CYYR1: variants seen among roughly 807,000 people sequenced by gnomAD.
CYYR1 encodes the protein cysteine and tyrosine-rich protein 1.
In CYYR1, 14 loss-of-function variants were observed where a neutral mutation model predicts 15.2. The observed-to-expected ratio is 0.92, with a 90% CI of 0.61 to 1.44. CYYR1 has a LOEUF of 1.44. Ranked by LOEUF, CYYR1 falls within the 40% of genes most tolerant of loss-of-function variation. The pLI is 0.00. For synonymous variants in CYYR1, 80 were observed against 77.4 expected (o/e 1.03, Z -0.18); for missense variants, 228 against 209.5 (o/e 1.09, Z -0.54).
At chr21:26,483,346 C>A in intron 2 of CYYR1, 1 of 541,388 alleles carries the variant, frequency 1.8e-6, no homozygotes, top group Non-Finnish European at 2.3e-6. Context: ...ATTGATTGTT[C>A]ATTTTGATCT....
intron 2 of CYYR1, among the ~76,000 whole-genome samples, chr21:26,537,317 T>C: frequency 6.6e-6 from 1 of 152,180 alleles, no homozygotes; most frequent in East Asian, 1.9e-4. Context: ...ATCCTGTTCT[T>C]TCGTGTAACA....
chr21:26,484,539 A>AAG (rs936218893), intron 2 of CYYR1, among the ~76,000 whole-genome samples: 3 of 152,100 alleles, frequency 2.0e-5, no homozygotes, highest in African/African-American at 7.2e-5. Flanking sequence ...AAATCTTTTC[A>AAG]AGAAAAAAAG....
chr21:26,489,553 C>A (rs1231865134), intron 2 of CYYR1, among the ~76,000 whole-genome samples: 2 of 151,600 alleles, frequency 1.3e-5, no homozygotes, highest in Non-Finnish European at 2.9e-5. Context: ...TATATACATG[C>A]ACATACATAT....
chr21:26,474,199 C>T lies in CYYR1; in HGVS notation c.335-5565G>A, dbSNP rs183392190. Among the ~76,000 whole-genome samples, 929 of 151,616 alleles carry T rather than the reference C, an allele frequency of 6.1e-3. 8 individuals are homozygous for T. The highest frequency in any genetic ancestry group is 7.0e-3 in the Non-Finnish European group (478 of 67,848). On this transcript the variant is annotated intron_variant, in intron 3 of 3. Coordinates refer to ENST00000652641, the MANE Select transcript of CYYR1 (RefSeq NM_001320768.2). ...GTAGCTGGGACTACAGGCCCACAGG[C>T]GCCTGCCACCATACCTGGCTAATTT...
chr21:26,497,406 A>G (rs1260011689), intron 2 of CYYR1, among the ~76,000 whole-genome samples: 1 of 152,206 alleles, frequency 6.6e-6, no homozygotes, highest in Non-Finnish European at 1.5e-5. Context: ...TTCATTCTAT[A>G]AGAAAGACAA....
chr21:26,551,738 G>A, intron 2 of CYYR1: 1 of 190,630 alleles, frequency 5.2e-6, no homozygotes, highest in Non-Finnish European at 1.1e-5. Flanking sequence ...TTTGTGAGAT[G>A]GAATCTATTC....
At chr21:26,500,174 G>A (rs1345974229) in intron 2 of CYYR1, among the ~76,000 whole-genome samples, 1 of 151,952 alleles carries the variant, frequency 6.6e-6, no homozygotes, top group African/African-American at 2.4e-5. Flanking sequence ...ATCATGGTGG[G>A]GGATCCACCC....
intron 2 of CYYR1, among the ~76,000 whole-genome samples, chr21:26,549,776 T>C (rs2123680391): frequency 6.6e-6 from 1 of 152,284 alleles, no homozygotes; most frequent in Non-Finnish European, 1.5e-5. Flanking sequence ...CAATCTAAGC[T>C]TCCACGGTAT....
At chr21:26,526,690 G>T (rs899887745) in intron 2 of CYYR1, among the ~76,000 whole-genome samples, 4 of 152,076 alleles carry the variant, frequency 2.6e-5, no homozygotes, top group Non-Finnish European at 5.9e-5. Context: ...TTCCACCTTG[G>T]TATCCTGCTA....
intron 2 of CYYR1, among the ~76,000 whole-genome samples, chr21:26,515,487 G>A (rs1486104473): frequency 6.6e-6 from 1 of 152,024 alleles, no homozygotes; most frequent in Non-Finnish European, 1.5e-5. Context: ...AGCTCCCCAG[G>A]TAGCTGGAAA....
chr21:26,536,912 G>C (rs968469607), intron 2 of CYYR1, among the ~76,000 whole-genome samples: 1 of 152,148 alleles, frequency 6.6e-6, no homozygotes, highest in Non-Finnish European at 1.5e-5. Context: ...AGCACCTACT[G>C]TGTGCCAGGC....
At chr21:26,545,427 T>A (rs952118115) in intron 2 of CYYR1, among the ~76,000 whole-genome samples, 1 of 152,156 alleles carries the variant, frequency 6.6e-6, no homozygotes, top group African/African-American at 2.4e-5. Context: ...TCAGGCTTCT[T>A]CGTCTTCTTT....
chr21:26,490,138 C>T (rs1042824340), intron 2 of CYYR1, among the ~76,000 whole-genome samples: 15 of 151,726 alleles, frequency 9.9e-5, no homozygotes, highest in African/African-American at 1.7e-4. Flanking sequence ...CCTGCCTGTA[C>T]GAAAAATACA....
chr21:26,474,408 CTTT>C (rs35912064), intron 3 of CYYR1, among the ~76,000 whole-genome samples: 2 of 125,538 alleles, frequency 1.6e-5, no homozygotes, highest in African/African-American at 3.1e-5. Context: ...TACACCGTGC[CTTT>C]TTTTTTTTTT....
At chr21:26,523,499 C>T (rs2065827424) in intron 2 of CYYR1, among the ~76,000 whole-genome samples, 1 of 152,172 alleles carries the variant, frequency 6.6e-6, no homozygotes, top group African/African-American at 2.4e-5. Flanking sequence ...TCACATCCAA[C>T]CTCTGCATTG....
chr21:26,528,373 A>G (rs1198397337), intron 2 of CYYR1, among the ~76,000 whole-genome samples: 2 of 152,112 alleles, frequency 1.3e-5, no homozygotes, highest in African/African-American at 4.8e-5. Context: ...TCCCTCAGGA[A>G]TGGCTTGGTG....
intron 2 of CYYR1, among the ~76,000 whole-genome samples, chr21:26,519,104 C>A (rs2065770910): frequency 6.6e-6 from 1 of 152,106 alleles, no homozygotes; most frequent in Admixed American, 6.5e-5. Context: ...TATAGCCAAT[C>A]TATTCATTCA....
intron 2 of CYYR1, among the ~76,000 whole-genome samples, chr21:26,539,543 CTGTAG>C (rs1569166234): frequency 6.6e-6 from 1 of 152,152 alleles, no homozygotes; most frequent in Non-Finnish European, 1.5e-5. Context: ...TTAATCCATA[CTGTAG>C]TTTTCATTCC....
At chr21:26,486,062 C>T (rs2065244146) in intron 2 of CYYR1, among the ~76,000 whole-genome samples, 2 of 152,028 alleles carry the variant, frequency 1.3e-5, no homozygotes, top group East Asian at 1.9e-4. Flanking sequence ...TTTTCGAAAG[C>T]TTATTTGCCA....
Sources: allele counts gnomAD v4.1 joint callset (sites outside exome capture counted in the v4.1 genomes callset), GRCh38; gene constraint gnomAD v4.1.1; transcripts MANE v1.5; gene names NCBI Gene and HGNC (gene_info 2026-07-23, HGNC 2026-07-21).